Variants in NALF1 observed in about 807,000 individuals in gnomAD.
The protein encoded by NALF1 is family with sequence similarity 155 member A.
A neutral mutation model predicts 48.4 loss-of-function variants in NALF1; 3 were observed. The ratio of observed to expected loss-of-function variants is 0.06; its 90% CI spans 0.03 to 0.16. The LOEUF is 0.16. Ranked by LOEUF, NALF1 falls within the 10% of genes least tolerant of loss-of-function variation. NALF1 has a pLI of 1.00. For missense variants in NALF1, 526 were observed against 571.5 expected (o/e 0.92, Z 0.81); for synonymous variants, 262 against 245.7 (o/e 1.07, Z -0.62).
chr13:107,469,733 C>CTTT (rs61241553), intron 1 of NALF1, among the ~76,000 whole-genome samples: 4,181 of 79,892 alleles, frequency 0.052, 1,023 homozygotes, highest in Non-Finnish European at 0.057. Context: ...AACTGTGTAT[C>CTTT]TTTTTTTTTT....
At chr13:107,614,309 C>A (rs140452827) in intron 1 of NALF1, among the ~76,000 whole-genome samples, 2 of 152,282 alleles carry the variant, frequency 1.3e-5, no homozygotes, top group African/African-American at 4.8e-5. Flanking sequence ...TACATCTAGT[C>A]TTTTTGTAAG....
intron 2 of NALF1, among the ~76,000 whole-genome samples, chr13:107,187,127 T>C (rs1210715791): frequency 1.3e-5 from 2 of 152,198 alleles, no homozygotes; most frequent in Non-Finnish European, 2.9e-5. Context: ...TCTTCTGTCC[T>C]CTTCTTTCAT....
At chr13:107,562,169 G>A (rs140096236) in intron 1 of NALF1, among the ~76,000 whole-genome samples, 1 of 152,262 alleles carries the variant, frequency 6.6e-6, no homozygotes, top group Non-Finnish European at 1.5e-5. Context: ...GCTCTGTAGG[G>A]ACACACTTTC....
At chr13:107,271,038 C>T (rs1177503378) in intron 1 of NALF1, among the ~76,000 whole-genome samples, 2 of 152,060 alleles carry the variant, frequency 1.3e-5, no homozygotes, top group East Asian at 1.9e-4. Context: ...TTCTTAGGTA[C>T]GTTCTGAAGC....
intron 1 of NALF1, among the ~76,000 whole-genome samples, chr13:107,459,819 C>T (rs1450803712): frequency 6.6e-6 from 1 of 152,130 alleles, no homozygotes; most frequent in South Asian, 2.1e-4. Flanking sequence ...CCACTCACTG[C>T]AGCCTCGACC....
intron 1 of NALF1, among the ~76,000 whole-genome samples, chr13:107,311,654 T>C (rs1347421239): frequency 6.6e-6 from 1 of 151,356 alleles, no homozygotes; most frequent in Non-Finnish European, 1.5e-5. Flanking sequence ...TGGGAGAAAA[T>C]TTTTGCAACC....
intron 1 of NALF1, among the ~76,000 whole-genome samples, chr13:107,543,694 C>CATGTATATATAT (rs1877055707): frequency 2.6e-5 from 4 of 151,740 alleles, no homozygotes; most frequent in Non-Finnish European, 5.9e-5. Context: ...CGCGTATATA[C>CATGTATATATAT]ACGTATATAT....
chr13:107,207,789 G>A (rs559943538), intron 2 of NALF1, among the ~76,000 whole-genome samples: 1 of 152,286 alleles, frequency 6.6e-6, no homozygotes, highest in Non-Finnish European at 1.5e-5. Context: ...GCGACTACAG[G>A]TGCACATAAC....
intron 2 of NALF1, among the ~76,000 whole-genome samples, chr13:107,172,430 T>C (rs1270106001): frequency 6.6e-6 from 1 of 152,220 alleles, no homozygotes; most frequent in African/African-American, 2.4e-5. Context: ...AAACTCAGTA[T>C]ACCTATTTAT....
chr13:107,637,097 A>G (rs906624115), intron 1 of NALF1, among the ~76,000 whole-genome samples: 12 of 152,046 alleles, frequency 7.9e-5, no homozygotes, highest in East Asian at 3.9e-4. Flanking sequence ...AGGCTATACC[A>G]TATAGCCTAG....
At chr13:107,514,444 TCTATCTA>T (rs1875993046) in intron 1 of NALF1, among the ~76,000 whole-genome samples, 1 of 150,322 alleles carries the variant, frequency 6.7e-6, no homozygotes, top group African/African-American at 2.5e-5. Flanking sequence ...TATCTATCTA[TCTATCTA>T]TCTATCTAAT....
chr13:107,343,409 C>T (rs956653474), intron 1 of NALF1, among the ~76,000 whole-genome samples: 4 of 152,072 alleles, frequency 2.6e-5, no homozygotes, highest in African/African-American at 9.7e-5. Flanking sequence ...CAGGTCTTTC[C>T]CATGCTGCTC....
intron 1 of NALF1, among the ~76,000 whole-genome samples, chr13:107,731,226 G>T (rs1324540984): frequency 3.3e-5 from 5 of 152,058 alleles, no homozygotes; most frequent in Admixed American, 3.3e-4. Flanking sequence ...ACAAAGAGAT[G>T]ATTAAAATGG....
chr13:107,707,079 C>T (rs1262325456), intron 1 of NALF1, among the ~76,000 whole-genome samples: 3 of 151,298 alleles, frequency 2.0e-5, no homozygotes, highest in Non-Finnish European at 2.9e-5. Flanking sequence ...CCCGCCACTA[C>T]GCCCGGCTAA....
At chr13:107,693,019 T>A (rs1326485340) in intron 1 of NALF1, among the ~76,000 whole-genome samples, 1 of 152,150 alleles carries the variant, frequency 6.6e-6, no homozygotes, top group Non-Finnish European at 1.5e-5. Flanking sequence ...TACTCAGTAA[T>A]GGGATTGCTG....
intron 1 of NALF1, among the ~76,000 whole-genome samples, chr13:107,410,533 GAATC>G (rs2138999957): frequency 6.6e-6 from 1 of 152,080 alleles, no homozygotes; most frequent in African/African-American, 2.4e-5. Flanking sequence ...TACTTGAAAA[GAATC>G]AAGCAATTAA....
At chr13:107,586,672 G>A (rs1439943794) in intron 1 of NALF1, among the ~76,000 whole-genome samples, 1 of 67,030 alleles carries the variant, frequency 1.5e-5, no homozygotes, top group African/African-American at 5.8e-5. Context: ...TCTACAAAAT[G>A]CAGGAGAGCA....
chr13:107,476,151 G>A lies in NALF1; in HGVS notation c.916-265396C>T, dbSNP rs575185899. On this transcript the variant is annotated intron_variant, in intron 1 of 2. Transcript: ENST00000375915. ...TAGAATTCATGTAATTCCTTTTGAG[G>A]ACAGCATCTTTGGATTACAAAGAGT... 3.9e-5 allele frequency among the ~76,000 whole-genome samples: 6 copies of A among 152,228 alleles called. No individual in the cohort carries two copies. The South Asian group carries it at 6.2e-4, about 16-fold the overall frequency.
At chr13:107,185,182 A>C (rs1879145318) in intron 2 of NALF1, among the ~76,000 whole-genome samples, 1 of 152,144 alleles carries the variant, frequency 6.6e-6, no homozygotes, top group South Asian at 2.1e-4. Flanking sequence ...GCATAGCCTC[A>C]GGGGAACCTA....
Sources: gnomAD v4.1 joint callset for allele counts (sites outside exome capture counted in the v4.1 genomes callset) on GRCh38, gnomAD v4.1.1 for gene constraint, MANE v1.5 for transcripts, NCBI Gene and HGNC (gene_info 2026-07-23, HGNC 2026-07-21) for gene names.